Variants in NOTCH2 observed in about 807,000 individuals in gnomAD.
NOTCH2 encodes the protein neurogenic locus notch homolog protein 2.
In NOTCH2, 29 loss-of-function variants were observed where a neutral mutation model predicts 235.8. The ratio of observed to expected loss-of-function variants is 0.12; its 90% CI spans 0.09 to 0.17. NOTCH2 has a LOEUF of 0.17. Ranked by LOEUF, NOTCH2 falls within the 10% of genes least tolerant of loss-of-function variation. The probability of loss-of-function intolerance (pLI) is 1.00; values close to 1 mark genes in which losing one functional copy is unlikely to be tolerated. For missense variants in NOTCH2, 2,285 were observed against 3,150.2 expected, an observed-to-expected ratio of 0.73 and a Z score of 6.57; for synonymous variants, 1,086 against 1,141.5, an observed-to-expected ratio of 0.95 and a Z score of 0.98.
chr1:120,000,254 G>A (rs1267098355), intron 3 of NOTCH2, among the ~76,000 whole-genome samples: 1 of 151,802 alleles, frequency 6.6e-6, no homozygotes, highest in African/African-American at 2.4e-5. Flanking sequence ...GATCAGAATC[G>A]GCCGGGTGTG....
chr1:119,920,486 T>A, intron 29 of NOTCH2, 89 bp from the exon 30 acceptor site: 1 of 1,383,990 alleles, frequency 7.2e-7, no homozygotes, highest in Non-Finnish European at 1.0e-6. Flanking sequence ...CCACCGCTGC[T>A]TATCTCCCAT....
chr1:119,985,838 A>G (rs1651999827), intron 5 of NOTCH2, among the ~76,000 whole-genome samples: 1 of 151,866 alleles, frequency 6.6e-6, no homozygotes, highest in African/African-American at 2.4e-5. Flanking sequence ...TTAGAAGTGA[A>G]GTTCTAGGAT....
At chr1:119,963,857 C>T in intron 10 of NOTCH2, 50 bp from the exon 11 acceptor site, 1 of 1,425,252 alleles carries the variant, frequency 7.0e-7, no homozygotes, top group South Asian at 1.1e-5. Context: ...GCAGATATTC[C>T]ACACCAGAAC....
chr1:119,994,464 A>G (rs1390562977), intron 4 of NOTCH2: 1 of 129,452 alleles, frequency 7.7e-6, no homozygotes, highest in Non-Finnish European at 1.6e-5. Flanking sequence ...AGATTATGGG[A>G]CCCTGAAAAG....
intron 3 of NOTCH2, among the ~76,000 whole-genome samples, chr1:119,999,968 A>AAAGG (rs1340012790): frequency 3.0e-5 from 3 of 101,356 alleles, no homozygotes; most frequent in African/African-American, 9.4e-5. Context: ...AGAAAGAAAG[A>AAAGG]AAGAAAGAAA....
Position 119,968,095 on chromosome 1 carries a change from C to T in NOTCH2, c.1246G>A (p.Val416Met), listed in dbSNP as rs2101145255. The part of the protein sequence containing the change: ...GYKGADCTED[V>M]DECAMANSNP... ...TACTCACCCATGGCACATTCATCCA[C>T]ATCTTCTGTGCAGTCAGCCCCTTTG... Residue 416 changes from valine to methionine, a missense_variant, in exon 7 of 34, where the codon GTG (valine) becomes ATG (methionine). By Grantham distance (21) the Val-to-Met change is conservative. This residue lies in a region of NOTCH2 where 431 missense variants were observed against 757.8 expected (regional missense o/e 0.57). Transcript: ENST00000256646. The T allele has an allele frequency of 6.2e-7, 1 of 1,614,100 alleles. No homozygotes were observed. Among genetic ancestry groups the T allele is most frequent in the Non-Finnish European group, 8.5e-7 (1 of 1,179,954 alleles).
At chr1:119,922,550 A>G in intron 27 of NOTCH2, 86 bp downstream of exon 27, 1 of 1,607,934 alleles carries the variant, frequency 6.2e-7, no homozygotes, top group South Asian at 1.1e-5. Context: ...CAGTCCTGAA[A>G]AAATAGAGGG....
Position 120,001,102 on chromosome 1 carries a change from G to A in NOTCH2, c.416-3770C>T, listed in dbSNP as rs868909740. 1.2e-4 allele frequency among the ~76,000 whole-genome samples: 19 copies of A among 152,146 alleles called. No individual in the cohort carries two copies. The Middle Eastern group carries it at 0.014, about 109-fold the overall frequency. Reference sequence around the variant, plus strand: ...CCTAATTTTCTCTTGCCACCACCACGAAAGAAGTGCCTTTTGCCTCCCACC... The same window carrying A: ...CCTAATTTTCTCTTGCCACCACCACAAAAGAAGTGCCTTTTGCCTCCCACC... On this transcript the variant is annotated intron_variant, in intron 3 of 33. Transcript: ENST00000256646.
intron 4 of NOTCH2, 66 bp from the exon 5 acceptor site, chr1:119,987,148 C>T: frequency 6.3e-7 from 1 of 1,585,822 alleles, no homozygotes; most frequent in Non-Finnish European, 8.6e-7. Flanking sequence ...GCTCTGTTCC[C>T]ACAGAACATG....
intron 5 of NOTCH2, among the ~76,000 whole-genome samples, chr1:119,980,681 C>T (rs1651780430): frequency 6.6e-6 from 1 of 152,042 alleles, no homozygotes; most frequent in South Asian, 2.1e-4. Context: ...TTATTAATAA[C>T]CATGGTTTGT....
chr1:120,011,563 A>G (rs1192083746), intron 2 of NOTCH2, among the ~76,000 whole-genome samples: 19 of 152,164 alleles, frequency 1.2e-4, no homozygotes, highest in African/African-American at 3.9e-4. Context: ...CTTCCCAGGT[A>G]TATACCCGAA....
intron 1 of NOTCH2, among the ~76,000 whole-genome samples, chr1:120,030,650 GA>G (rs1654055778): frequency 1.9e-5 from 2 of 103,416 alleles, no homozygotes; most frequent in African/African-American, 7.4e-5. Context: ...AATAAAAGGA[GA>G]AGGCAATTTT....
intron 13 of NOTCH2, among the ~76,000 whole-genome samples, 190 bp from the exon 14 acceptor site, chr1:119,953,878 T>C (rs1650582275): frequency 1.3e-5 from 2 of 152,150 alleles, no homozygotes; most frequent in Admixed American, 1.3e-4. Context: ...AAAGAAACCT[T>C]CTTGGTGCTT....
chr1:119,935,729 T>G lies in NOTCH2; in HGVS notation c.3523-125A>C, dbSNP rs17024536. The G allele has an allele frequency of 0.034, 36,158 of 1,061,050 alleles. 1,278 individuals are homozygous for G. Among genetic ancestry groups the G allele is most frequent in the South Asian group, 0.11 (7,934 of 74,448 alleles). The allele number at this position is 1,061,050 out of a possible 1,614,324, so 65.7% of individuals were successfully genotyped here. On this transcript the variant is annotated intron_variant, in intron 21 of 33. Coordinates refer to ENST00000256646, the MANE Select transcript of NOTCH2 (RefSeq NM_024408.4). ...ACCTCCTAATTTAGCTTTTGTATGT[T>G]TTCTCTGGAACCATCACACTCTCTG...
At chr1:120,005,154 A>C in intron 3 of NOTCH2, 175 bp downstream of exon 3, 1 of 843,124 alleles carries the variant, frequency 1.2e-6, no homozygotes, top group Non-Finnish European at 1.9e-6. Context: ...TGCCCCCTGA[A>C]ACTCTTAAAA....
intron 22 of NOTCH2, among the ~76,000 whole-genome samples, chr1:119,933,619 A>G (rs1264176119): frequency 6.6e-6 from 1 of 152,224 alleles, no homozygotes; most frequent in Admixed American, 6.5e-5. Flanking sequence ...AAGCAGTGGG[A>G]TGATATATTC....
intron 5 of NOTCH2, among the ~76,000 whole-genome samples, chr1:119,975,644 CAA>C (rs11316344): frequency 0.036 from 3,588 of 99,640 alleles, 113 homozygotes; most frequent in African/African-American, 0.11. Flanking sequence ...GACTCCATCT[CAA>C]AAAAAAAAAA....
intron 5 of NOTCH2, among the ~76,000 whole-genome samples, chr1:119,981,242 C>T (rs1553201619): frequency 6.6e-6 from 1 of 152,170 alleles, no homozygotes; most frequent in African/African-American, 2.4e-5. Context: ...ACCTTCCTTA[C>T]CCCACCAAGT....
chr1:119,928,777 G>A (rs1380822396), intron 23 of NOTCH2, among the ~76,000 whole-genome samples, 199 bp downstream of exon 23: 1 of 152,106 alleles, frequency 6.6e-6, no homozygotes, highest in African/African-American at 2.4e-5. Flanking sequence ...AATCTCTTAG[G>A]AAAAATTAAA....
Sources: allele counts gnomAD v4.1 joint callset (sites outside exome capture counted in the v4.1 genomes callset), GRCh38; gene constraint gnomAD v4.1.1; regional missense constraint gnomAD v4.1.1; transcripts MANE v1.5; gene names NCBI Gene and HGNC (gene_info 2026-07-23, HGNC 2026-07-21).